The following TUBD1 variants were observed in gnomAD, a reference collection of about 807,000 sequenced individuals.
TUBD1 encodes the protein tubulin delta chain.
Under a neutral mutation model 51.2 loss-of-function variants are expected in TUBD1, and 38 were observed. That is an observed-to-expected ratio of 0.74 (90% CI 0.57 to 0.97). The LOEUF (loss-of-function observed/expected upper bound fraction) is 0.97, where lower values mean the gene tolerates loss of function less well. Ranked by LOEUF, TUBD1 falls within the 50% of genes least tolerant of loss-of-function variation. TUBD1 has a pLI of 0.00. For synonymous variants in TUBD1, 169 were observed against 178.2 expected (o/e 0.95, Z 0.41); for missense variants, 489 against 538.4 (o/e 0.91, Z 0.91).
At chr17:59,872,860 G>A (rs1167645833) in intron 6 of TUBD1, among the ~76,000 whole-genome samples, 2 of 151,492 alleles carry the variant, frequency 1.3e-5, no homozygotes, top group African/African-American at 2.4e-5. Flanking sequence ...TCTGCCTCCC[G>A]GGTTCAAGCA....
intron 6 of TUBD1, 42 bp from the exon 7 acceptor site, chr17:59,866,791 C>A (rs752149949): frequency 6.5e-7 from 1 of 1,541,476 alleles, no homozygotes; most frequent in African/African-American, 1.4e-5. Flanking sequence ...ATTTTATTTA[C>A]TTAGTTTTTT....
intron 3 of TUBD1, among the ~76,000 whole-genome samples, chr17:59,883,050 G>T (rs1465326572): frequency 1.3e-5 from 2 of 151,856 alleles, no homozygotes; most frequent in Non-Finnish European, 2.9e-5. Flanking sequence ...CTCCCAAACT[G>T]CTGGGATCAC....
At chr17:59,861,024 C>T (rs1310744614) in intron 8 of TUBD1, among the ~76,000 whole-genome samples, 1 of 151,906 alleles carries the variant, frequency 6.6e-6, no homozygotes, top group Non-Finnish European at 1.5e-5. Flanking sequence ...ATATAACACC[C>T]TATATTCAGT....
intron 6 of TUBD1, among the ~76,000 whole-genome samples, chr17:59,873,847 AG>A (rs2144498115): frequency 6.6e-6 from 1 of 151,938 alleles, no homozygotes; most frequent in Admixed American, 6.6e-5. Context: ...CCTGGGTGAC[AG>A]AGCGAGATTC....
At position 59,866,700 on chromosome 17, in the gene TUBD1, AC is replaced by A. The variant is rs2039716915; in HGVS notation, c.983del (p.Ser328IlefsTer44). On this transcript the variant is annotated frameshift_variant, in exon 7 of 9. Coordinates refer to ENST00000325752, the MANE Select transcript of TUBD1 (RefSeq NM_016261.4). LOFTEE classifies it high-confidence loss of function. ...WPPLSGLPPL[S>X]KMSLNKDLHF... ...GCAGGTCCTTGTTGAGAGACATTTT[AC>A]TAAGAGGAGGAAGTCCTGATAAAGG... The A allele has an allele frequency of 6.2e-7, 1 of 1,614,182 alleles. No individual in the cohort carries two copies. Among genetic ancestry groups the A allele is most frequent in the African/African-American group, 1.3e-5 (1 of 75,062 alleles).
intron 5 of TUBD1, among the ~76,000 whole-genome samples, chr17:59,877,059 C>T (rs954049982): frequency 2.6e-5 from 4 of 151,916 alleles, no homozygotes; most frequent in East Asian, 1.9e-4. Flanking sequence ...GGGGTTTCAC[C>T]GTATTGGCCA....
At chr17:59,879,219 G>T (rs182802660) in intron 4 of TUBD1, among the ~76,000 whole-genome samples, 35 of 141,476 alleles carry the variant, frequency 2.5e-4, no homozygotes, top group African/African-American at 9.1e-4. Context: ...GGTGAGCCAA[G>T]ATCGTGCCAT....
intron 6 of TUBD1, among the ~76,000 whole-genome samples, chr17:59,874,164 G>A (rs1284362452): frequency 6.8e-6 from 1 of 147,666 alleles, no homozygotes; most frequent in African/African-American, 2.5e-5. Flanking sequence ...ACTCCAGCCT[G>A]GGCGACAGAG....
intron 5 of TUBD1, among the ~76,000 whole-genome samples, chr17:59,877,365 C>A (rs546357090): frequency 6.6e-6 from 1 of 152,190 alleles, no homozygotes; most frequent in African/African-American, 2.4e-5. Context: ...AATGCTGACG[C>A]GCACATTGAC....
intron 4 of TUBD1, 116 bp downstream of exon 4, chr17:59,880,778 T>G: frequency 1.1e-6 from 1 of 948,786 alleles, no homozygotes; most frequent in Non-Finnish European, 1.6e-6. Context: ...CCTCCCAAAG[T>G]GCTGGGATTA....
chr17:59,880,494 G>A (rs2040433567), intron 4 of TUBD1, among the ~76,000 whole-genome samples: 1 of 151,970 alleles, frequency 6.6e-6, no homozygotes, highest in Non-Finnish European at 1.5e-5. Flanking sequence ...CAATGAAAGG[G>A]TGAGCACAAT....
intron 2 of TUBD1, 122 bp from the exon 3 acceptor site, chr17:59,886,352 G>A (rs1416355134): frequency 1.6e-5 from 17 of 1,040,442 alleles, no homozygotes; most frequent in East Asian, 5.3e-5. Context: ...CAGGGGTTGT[G>A]GTTAGAAAGA....
intron 2 of TUBD1, among the ~76,000 whole-genome samples, chr17:59,887,046 C>T (rs958737630): frequency 3.3e-5 from 5 of 151,942 alleles, no homozygotes; most frequent in Admixed American, 6.6e-5. Flanking sequence ...ATTAGCTGGG[C>T]GTGGTGGCAG....
intron 5 of TUBD1, among the ~76,000 whole-genome samples, chr17:59,877,649 T>C (rs980072913): frequency 6.6e-6 from 1 of 151,886 alleles, no homozygotes; most frequent in Non-Finnish European, 1.5e-5. Flanking sequence ...GTGCCTATAG[T>C]GTAGTGTAGT....
At position 59,865,469 on chromosome 17, in the gene TUBD1, A is replaced by G. The variant is rs1598503429; in HGVS notation, c.1075+1140T>C. ...GTGGCGCATGCCTATAATCCCAGCT[A>G]CTTGGGAGGCTGAGGCAGGAGAATC... On this transcript the variant is annotated intron_variant, in intron 7 of 8. Coordinates refer to ENST00000325752, the MANE Select transcript of TUBD1 (RefSeq NM_016261.4). Among the ~76,000 whole-genome samples the G allele has an allele frequency of 2.0e-5, 3 of 152,146 alleles. No homozygotes were observed. The East Asian group carries it at 5.8e-4, about 29-fold the overall frequency.
At chr17:59,863,927 T>C in intron 7 of TUBD1, 80 bp from the exon 8 acceptor site, 1 of 1,187,764 alleles carries the variant, frequency 8.4e-7, no homozygotes, top group South Asian at 2.3e-5. Context: ...TATTTTCTTG[T>C]CTATTTCATC....
intron 5 of TUBD1, among the ~76,000 whole-genome samples, chr17:59,876,422 T>G (rs2040229233): frequency 6.6e-6 from 1 of 150,626 alleles, no homozygotes; most frequent in Non-Finnish European, 1.5e-5. Flanking sequence ...TTGCATGACC[T>G]CAGCTCACTG....
chr17:59,863,948 T>G (rs1156548709), intron 7 of TUBD1, 101 bp from the exon 8 acceptor site: 1 of 1,086,370 alleles, frequency 9.2e-7, no homozygotes, highest in Non-Finnish European at 1.2e-6. Context: ...AGAGATCTTT[T>G]ATTTTGCCTT....
intron 5 of TUBD1, among the ~76,000 whole-genome samples, chr17:59,876,495 C>T (rs2040232286): frequency 6.6e-6 from 1 of 151,924 alleles, no homozygotes; most frequent in Non-Finnish European, 1.5e-5. Flanking sequence ...GCTGGGATTA[C>T]AGGCATGTGC....
Sources: gnomAD v4.1 joint callset for allele counts (sites outside exome capture counted in the v4.1 genomes callset) on GRCh38, gnomAD v4.1.1 for gene constraint, MANE v1.5 for transcripts, NCBI Gene and HGNC (gene_info 2026-07-23, HGNC 2026-07-21) for gene names.